UNC5D: variants seen among roughly 807,000 people sequenced by gnomAD.
The protein encoded by UNC5D is unc-5 netrin receptor D.
In UNC5D, 39 loss-of-function variants were observed where a neutral mutation model predicts 105.4. The observed-to-expected ratio is 0.37, with a 90% CI of 0.29 to 0.48. UNC5D has a LOEUF of 0.48. Ranked by LOEUF, UNC5D falls within the 20% of genes least tolerant of loss-of-function variation. UNC5D has a pLI of 0.98. For synonymous variants in UNC5D, 452 were observed against 450.4 expected (o/e 1.00, Z -0.04); for missense variants, 991 against 1,202.4 (o/e 0.82, Z 2.60).
chr8:35,539,322 A>C (rs1815098359), intron 1 of UNC5D, among the ~76,000 whole-genome samples: 1 of 152,162 alleles, frequency 6.6e-6, no homozygotes, highest in Non-Finnish European at 1.5e-5. Context: ...TTTTCCATAT[A>C]AAATATATCA....
At chr8:35,645,953 T>G (rs1823020098) in intron 4 of UNC5D, among the ~76,000 whole-genome samples, 1 of 152,118 alleles carries the variant, frequency 6.6e-6, no homozygotes, top group African/African-American at 2.4e-5. Context: ...ACTCAAAAGA[T>G]TATGCAAAGG....
At chr8:35,746,927 T>C (rs896013961) in intron 11 of UNC5D, among the ~76,000 whole-genome samples, 11 of 152,184 alleles carry the variant, frequency 7.2e-5, no homozygotes, top group Admixed American at 2.0e-4. Context: ...ATGGTTTTTT[T>C]CCCCAAACCT....
chr8:35,539,136 AAT>A (rs1815085918), intron 1 of UNC5D, among the ~76,000 whole-genome samples: 1 of 152,148 alleles, frequency 6.6e-6, no homozygotes, highest in African/African-American at 2.4e-5. Flanking sequence ...ATATATTACA[AAT>A]ATATGTGTGT....
At chr8:35,766,548 A>G (rs1398329167) in intron 14 of UNC5D, among the ~76,000 whole-genome samples, 1 of 152,180 alleles carries the variant, frequency 6.6e-6, no homozygotes, top group African/African-American at 2.4e-5. Flanking sequence ...GGCCCACAGG[A>G]GTCTTCCAAA....
intron 2 of UNC5D, among the ~76,000 whole-genome samples, chr8:35,550,474 T>A (rs1241007816): frequency 6.6e-6 from 1 of 152,204 alleles, no homozygotes. Flanking sequence ...TCACTAGATA[T>A]CCGATTTTTG....
chr8:35,252,091 G>A (rs1313813975), intron 1 of UNC5D, among the ~76,000 whole-genome samples: 2 of 139,374 alleles, frequency 1.4e-5, no homozygotes, highest in African/African-American at 2.7e-5. Context: ...GCGCGATCCC[G>A]ACTCACTGCA....
chr8:35,678,521 T>A (rs1825429162), intron 4 of UNC5D, among the ~76,000 whole-genome samples: 1 of 152,172 alleles, frequency 6.6e-6, no homozygotes, highest in African/African-American at 2.4e-5. Context: ...AAAAGAATAA[T>A]TACCCCAGTT....
chr8:35,694,738 C>G (rs1442769816), intron 7 of UNC5D, among the ~76,000 whole-genome samples: 2 of 151,730 alleles, frequency 1.3e-5, no homozygotes, highest in African/African-American at 4.8e-5. Context: ...TTGTTTGAGA[C>G]AGGGTCTCAC....
Position 35,667,341 on chromosome 8 carries a change from T to C in UNC5D, c.571-16206T>C, listed in dbSNP as rs192228719. On this transcript the variant is annotated intron_variant, in intron 4 of 16. Coordinates refer to ENST00000404895, the MANE Select transcript of UNC5D (RefSeq NM_080872.4). ...GTTAGATTAAACTCTTACTATAGTT[T>C]CAAGGCTGATGGCGTGGCCATTTTC... Among the ~76,000 whole-genome samples the C allele has an allele frequency of 2.0e-5, 3 of 152,306 alleles. No homozygotes were observed. In the East Asian group the frequency reaches 5.8e-4, roughly 29 times the overall value.
intron 4 of UNC5D, among the ~76,000 whole-genome samples, chr8:35,666,521 G>A (rs921512722): frequency 6.6e-6 from 1 of 151,410 alleles, no homozygotes; most frequent in East Asian, 1.9e-4. Flanking sequence ...GTAGTGTTGC[G>A]AAGCCCAAAC....
At chr8:35,351,713 C>A (rs1812251544) in intron 1 of UNC5D, among the ~76,000 whole-genome samples, 2 of 152,018 alleles carry the variant, frequency 1.3e-5, no homozygotes, top group African/African-American at 4.8e-5. Context: ...GTCATTAGGC[C>A]AACTGCCTAC....
At chr8:35,406,420 T>C (rs2128954454) in intron 1 of UNC5D, among the ~76,000 whole-genome samples, 1 of 152,316 alleles carries the variant, frequency 6.6e-6, no homozygotes, top group East Asian at 1.9e-4. Flanking sequence ...TTCTCAGTGA[T>C]AGCAAATACT....
intron 4 of UNC5D, among the ~76,000 whole-genome samples, chr8:35,623,574 A>G (rs1821498289): frequency 6.6e-6 from 1 of 152,122 alleles, no homozygotes; most frequent in South Asian, 2.1e-4. Flanking sequence ...AGTGGCTCCC[A>G]GATTTCTGGG....
chr8:35,613,537 C>T (rs1820831181), intron 4 of UNC5D, among the ~76,000 whole-genome samples: 1 of 152,182 alleles, frequency 6.6e-6, no homozygotes, highest in African/African-American at 2.4e-5. Context: ...TCACATAAAT[C>T]GGCCAGAGCA....
intron 16 of UNC5D, among the ~76,000 whole-genome samples, chr8:35,789,169 A>ATG (rs1554608592): frequency 1.1e-4 from 11 of 96,094 alleles, no homozygotes; most frequent in African/African-American, 3.7e-4. Flanking sequence ...ATATATATAT[A>ATG]TATATATATA....
intron 1 of UNC5D, among the ~76,000 whole-genome samples, chr8:35,341,566 A>G (rs1811460669): frequency 6.6e-6 from 1 of 151,622 alleles, no homozygotes; most frequent in African/African-American, 2.4e-5. Flanking sequence ...TCGCCATTTT[A>G]AAATACTTTT....
intron 2 of UNC5D, among the ~76,000 whole-genome samples, chr8:35,566,989 T>G (rs569163868): frequency 6.6e-6 from 1 of 152,134 alleles, no homozygotes; most frequent in South Asian, 2.1e-4. Context: ...TTGATAGTCC[T>G]TGGTCAAAGG....
At chr8:35,620,894 A>T (rs986135784) in intron 4 of UNC5D, among the ~76,000 whole-genome samples, 5 of 152,124 alleles carry the variant, frequency 3.3e-5, no homozygotes, top group Non-Finnish European at 7.4e-5. Flanking sequence ...AACACTGAAG[A>T]CTCACTAAGA....
At chr8:35,586,783 T>A (rs1463337287) in intron 3 of UNC5D, among the ~76,000 whole-genome samples, 2 of 152,218 alleles carry the variant, frequency 1.3e-5, no homozygotes, top group African/African-American at 4.8e-5. Flanking sequence ...GATTTTTCAC[T>A]GGCTGATTTG....
Sources: allele counts gnomAD v4.1 joint callset (sites outside exome capture counted in the v4.1 genomes callset), GRCh38; gene constraint gnomAD v4.1.1; transcripts MANE v1.5; gene names NCBI Gene and HGNC (gene_info 2026-07-23, HGNC 2026-07-21).